The following SYNE1 variants were observed in gnomAD, a reference collection of about 807,000 sequenced individuals.
The protein encoded by SYNE1 is nesprin-1.
In SYNE1, 616 loss-of-function variants were observed where a neutral mutation model predicts 1,111.0. That is an observed-to-expected ratio of 0.55 (90% CI 0.52 to 0.59). The LOEUF is 0.59. SYNE1 is among the 20% of genes least tolerant of loss of function. SYNE1 has a pLI of 0.00. For synonymous variants in SYNE1, 3,855 were observed against 3,825.8 expected (o/e 1.01, Z -0.28); for missense variants, 10,006 against 10,417.0 (o/e 0.96, Z 1.72).
intron 3 of SYNE1, among the ~76,000 whole-genome samples, chr6:152,588,453 T>C (rs1679587488): frequency 6.6e-6 from 1 of 152,228 alleles, no homozygotes; most frequent in East Asian, 1.9e-4. Context: ...TCTGGATTTT[T>C]TCTGTGTGTG....
intron 3 of SYNE1, among the ~76,000 whole-genome samples, chr6:152,552,976 C>T (rs765891017): frequency 6.6e-6 from 1 of 151,902 alleles, no homozygotes; most frequent in Non-Finnish European, 1.5e-5. Flanking sequence ...CAAGTTTATT[C>T]GTATAGTAAT....
intron 105 of SYNE1, among the ~76,000 whole-genome samples, chr6:152,246,276 G>A (rs2087109239): frequency 6.6e-6 from 1 of 151,324 alleles, no homozygotes; most frequent in Non-Finnish European, 1.5e-5. Context: ...GGGACTAACA[G>A]AAGCAAACAA....
At chr6:152,220,638 A>G (rs969139751) in intron 119 of SYNE1, among the ~76,000 whole-genome samples, 1 of 152,220 alleles carries the variant, frequency 6.6e-6, no homozygotes, top group East Asian at 1.9e-4. Context: ...CATTTTAAAA[A>G]ATAAAACAAT....
chr6:152,554,472 C>T (rs192688164), intron 3 of SYNE1, among the ~76,000 whole-genome samples: 4 of 152,166 alleles, frequency 2.6e-5, no homozygotes, highest in Admixed American at 1.3e-4. Flanking sequence ...ATCAAAAGAT[C>T]GATAGTGCAA....
At chr6:152,538,534 C>G (rs961094457) in intron 4 of SYNE1, among the ~76,000 whole-genome samples, 24 of 151,366 alleles carry the variant, frequency 1.6e-4, no homozygotes, top group African/African-American at 5.8e-4. Context: ...ATTACTTTTA[C>G]TTTCTTTACA....
intron 129 of SYNE1, among the ~76,000 whole-genome samples, chr6:152,177,141 T>A: frequency 1.3e-5 from 2 of 152,326 alleles, no homozygotes; most frequent in Non-Finnish European, 2.9e-5. Context: ...ATAAATTAAC[T>A]TTCAATAATA....
At chr6:152,532,674 G>A (rs1416445565) in intron 4 of SYNE1, among the ~76,000 whole-genome samples, 1 of 152,156 alleles carries the variant, frequency 6.6e-6, no homozygotes, top group African/African-American at 2.4e-5. Context: ...GACTCTCCAT[G>A]TGCATTCTGT....
rs756907616 is a variant in SYNE1 at position 152,352,200 on chromosome 6, T to C, written c.11407A>G (p.Thr3803Ala). Residue 3803 changes from threonine (T) to alanine (A), a missense_variant, in exon 70 of 146, where the codon ACT becomes GCT. Transcript: ENST00000367255. ...AGCGTCATGTGTTCTTTCCGGACAG[T>C]GCTGGTCAGTTCCTTCAACTGCTCC... ...HMEQLKELTS[T>A]VRKEHMTLEK... 5 of 1,614,180 alleles carry C rather than the reference T, an allele frequency of 3.1e-6. No homozygotes were observed. Among genetic ancestry groups the C allele is most frequent in the Middle Eastern group, 1.6e-4 (1 of 6,062 alleles).
chr6:152,398,129 C>T (rs1203681988), intron 49 of SYNE1, among the ~76,000 whole-genome samples: 1 of 152,174 alleles, frequency 6.6e-6, no homozygotes, highest in Non-Finnish European at 1.5e-5. Context: ...TTTCTTAACT[C>T]TACTTCACCA....
At chr6:152,373,262 G>T in intron 58 of SYNE1, 43 bp from the exon 59 acceptor site, 1 of 1,527,242 alleles carries the variant, frequency 6.5e-7, no homozygotes, top group Non-Finnish European at 8.8e-7. Context: ...AAAATATTGT[G>T]TGTTGTTTCT....
At position 152,636,616 on chromosome 6, in the gene SYNE1, C is replaced by T. The variant is rs114098513; in HGVS notation, c.-224+22G>A. On this transcript the variant is annotated intron_variant, in intron 2 of 145. Coordinates refer to ENST00000367255, the MANE Select transcript of SYNE1 (RefSeq NM_182961.4). ...CCTGTCTCTGTCTCTCCCTGTCTCCCAGTCTCTGTCTTTCCTTTTACCTTC... is the reference window on the plus strand; with the variant it reads ...CCTGTCTCTGTCTCTCCCTGTCTCCTAGTCTCTGTCTTTCCTTTTACCTTC... 1.5e-3 allele frequency: 228 copies of T among 153,126 alleles called. 1 individual carries two copies. Among genetic ancestry groups the T allele is most frequent in the African/African-American group, 5.0e-3 (209 of 41,616 alleles). 9.5% of individuals were successfully genotyped at this position (153,126 alleles called of 1,614,324 possible). A position where few individuals can be genotyped will look rare whatever the true frequency, so the allele number is the denominator to read the frequency against.
chr6:152,243,736 C>A (rs2086368707), intron 106 of SYNE1, among the ~76,000 whole-genome samples: 1 of 152,208 alleles, frequency 6.6e-6, no homozygotes, highest in Non-Finnish European at 1.5e-5. Context: ...CAACCCTGTA[C>A]TGGACTGAGG....
Position 152,417,019 on chromosome 6 carries a change from G to C in SYNE1, c.5422-4C>G, listed in dbSNP as rs1255068940. The C allele has an allele frequency of 6.2e-7, 1 of 1,613,806 alleles. No individual in the cohort carries two copies. The highest frequency in any genetic ancestry group is 1.3e-5 in the African/African-American group (1 of 75,044). ...TCTCTACTTCTGCTGCGTGGTCCTG[G>C]AAGGGAAGAGAGAGTTATTGATTCC... On this transcript the variant is annotated splice_polypyrimidine_tract_variant and splice_region_variant and intron_variant, in intron 40 of 145. Transcript: ENST00000367255.
Position 152,628,307 on chromosome 6 carries a change from G to A in SYNE1, c.25C>T (p.Arg9Trp), listed in dbSNP as rs200346529. Reference protein sequence around the residue: MATSRGASRCPRDIANVMQ... With the variant: MATSRGASWCPRDIANVMQ... Reference sequence around the variant, plus strand: ...ACATTGGCGATATCCCGAGGACACCGGGAGGCCCCTCTGGAGGTTGCCATG... The same window carrying A: ...ACATTGGCGATATCCCGAGGACACCAGGAGGCCCCTCTGGAGGTTGCCATG... The change falls in exon 3 of 146, where the codon CGG becomes TGG. Residue 9 changes from arginine (R) to tryptophan (W), a missense_variant. Arg to Trp is a moderately radical substitution (Grantham distance 101). Around this residue, in one of 7 missense-constraint regions of SYNE1, gnomAD observed 1,971 missense variants for 2,084.1 expected, o/e 0.95. Coordinates refer to ENST00000367255, the MANE Select transcript of SYNE1 (RefSeq NM_182961.4). 8.7e-5 allele frequency: 140 copies of A among 1,614,004 alleles called. No individual in the cohort carries two copies. The highest frequency in any genetic ancestry group is 1.0e-4 in the Non-Finnish European group (121 of 1,180,044).
intron 132 of SYNE1, 133 bp downstream of exon 132, chr6:152,155,777 G>T (rs2061273382): frequency 3.3e-5 from 34 of 1,044,614 alleles, no homozygotes; most frequent in Non-Finnish European, 5.0e-5. Context: ...GTAGACAATA[G>T]TAAGTTTGGG....
rs1381148001 is a variant in SYNE1 at position 152,254,284 on chromosome 6, C to T, written c.19470+596G>A. Among the ~76,000 whole-genome samples the T allele has an allele frequency of 7.6e-5, 8 of 105,226 alleles. No homozygotes were observed. The Admixed American group carries it at 1.0e-3, about 14-fold the overall frequency. 69.0% of individuals were successfully genotyped at this position (105,226 alleles called of 152,430 possible). A position where few individuals can be genotyped will look rare whatever the true frequency, so the allele number is the denominator to read the frequency against. Reference sequence around the variant, plus strand: ...TTTTTTTTTTTGAGACGGAGTCTTGCTCTGTCACCTAGGCTGGAGTGCAGT... The same window carrying T: ...TTTTTTTTTTTGAGACGGAGTCTTGTTCTGTCACCTAGGCTGGAGTGCAGT... On this transcript the variant is annotated intron_variant, in intron 104 of 145. Transcript: ENST00000367255.
At chr6:152,612,547 C>T (rs370359063) in intron 3 of SYNE1, among the ~76,000 whole-genome samples, 281 of 152,238 alleles carry the variant, frequency 1.8e-3, no homozygotes, top group Non-Finnish European at 3.1e-3. Context: ...GAAATGGATT[C>T]GCAGCTGAAT....
At position 152,344,086 on chromosome 6, in the gene SYNE1, T is replaced by C. The variant is rs376704386; in HGVS notation, c.12220A>G (p.Lys4074Glu). 4 of 1,614,220 alleles carry C rather than the reference T, an allele frequency of 2.5e-6. No homozygotes were observed. Among genetic ancestry groups the C allele is most frequent in the Non-Finnish European group, 3.4e-6 (4 of 1,180,036 alleles). ...QPPLSRAEAI[K>E]QVKHFRALQE... ...AACTTTCAGGAGTTTACTACCTGCTTAATGGCTTCTGCCCTACTAAGAGGT... is the reference window on the plus strand; with the variant it reads ...AACTTTCAGGAGTTTACTACCTGCTCAATGGCTTCTGCCCTACTAAGAGGT... Residue 4074 changes from lysine to glutamate, a missense_variant, in exon 74 of 146, where the codon AAG becomes GAG. Around this residue, in one of 7 missense-constraint regions of SYNE1, gnomAD observed 4,955 missense variants for 5,017.2 expected, o/e 0.99. Transcript: ENST00000367255.
At chr6:152,234,010 T>C (rs1334922183) in intron 111 of SYNE1, 47 bp from the exon 112 acceptor site, 2 of 1,598,476 alleles carry the variant, frequency 1.3e-6, no homozygotes, top group Non-Finnish European at 1.7e-6. Context: ...AGCTAGACCA[T>C]TCATTAAAAG....
Sources: allele counts gnomAD v4.1 joint callset (sites outside exome capture counted in the v4.1 genomes callset), GRCh38; gene constraint gnomAD v4.1.1; regional missense constraint gnomAD v4.1.1; transcripts MANE v1.5; gene names NCBI Gene and HGNC (gene_info 2026-07-23, HGNC 2026-07-21).